LIMK2: variants seen among roughly 807,000 people sequenced by gnomAD.
The protein encoded by LIMK2 is LIM domain kinase 2.
Under a neutral mutation model 75.7 loss-of-function variants are expected in LIMK2, and 35 were observed. The observed-to-expected ratio is 0.46, with a 90% CI of 0.35 to 0.61. The LOEUF is 0.61. Among genes scored for constraint, LIMK2 ranks in the 20% least tolerant of loss-of-function variants. The pLI, the probability that LIMK2 is intolerant of heterozygous loss-of-function variation, is 0.00. For missense variants in LIMK2, 623 were observed against 831.0 expected (o/e 0.75, Z 3.08); for synonymous variants, 301 against 319.2 (o/e 0.94, Z 0.61).
chr22:31,273,645 G>A (rs1388598175), intron 14 of LIMK2, 138 bp downstream of exon 14: 18 of 681,648 alleles, frequency 2.6e-5, no homozygotes, highest in Admixed American at 4.6e-5. Context: ...GGTTTATAAC[G>A]CATCTGCACA....
chr22:31,259,780 G>A, intron 4 of LIMK2, 109 bp from the exon 5 acceptor site: 1 of 872,698 alleles, frequency 1.1e-6, no homozygotes, highest in East Asian at 3.0e-5. Flanking sequence ...CAAAGAGGGT[G>A]GTAGTGAGAC....
Position 31,262,343 on chromosome 22 carries a change from T to G in LIMK2, c.657+104T>G, listed in dbSNP as rs2048849513. 2.0e-6 allele frequency: 2 copies of G among 988,446 alleles called. No individual in the cohort carries two copies. Among genetic ancestry groups the G allele is most frequent in the Admixed American group, 3.8e-5 (2 of 52,420 alleles). 61.2% of individuals were successfully genotyped at this position (988,446 alleles called of 1,614,324 possible). ...CTTTTCCTACCCCCAGCCCATCTCT[T>G]TGTCTTAGCATTGAGCCTGTGACCA... On this transcript the variant is annotated intron_variant, in intron 6 of 15. Transcript: ENST00000331728. This position sits in a 1 kb window ranked among gnomAD's most constrained non-coding sequence, Gnocchi z 5.0.
chr22:31,269,634 C>T (rs1052134657), intron 11 of LIMK2, among the ~76,000 whole-genome samples: 3 of 151,772 alleles, frequency 2.0e-5, no homozygotes, highest in African/African-American at 4.8e-5. Flanking sequence ...ATTAGCTGGG[C>T]GTGGTGGTGC....
chr22:31,236,485 T>C (rs991221758), intron 2 of LIMK2, among the ~76,000 whole-genome samples: 1 of 151,124 alleles, frequency 6.6e-6, no homozygotes, highest in African/African-American at 2.4e-5. Flanking sequence ...GGCTCATGCC[T>C]GTGGTCCCAG....
intron 15 of LIMK2, chr22:31,277,209 CA>C: frequency 2.5e-6 from 4 of 1,605,440 alleles, no homozygotes; most frequent in Non-Finnish European, 2.6e-6. Flanking sequence ...GTAGCAACAG[CA>C]ATACCGGGGG....
chr22:31,272,895 G>T (rs1451938665), intron 13 of LIMK2, 191 bp downstream of exon 13: 2 of 1,371,582 alleles, frequency 1.5e-6, no homozygotes, highest in Non-Finnish European at 1.9e-6. Context: ...GAACTGATCA[G>T]TGTCCCATCA....
At chr22:31,272,412 C>A in intron 12 of LIMK2, 118 bp from the exon 13 acceptor site, 1 of 939,464 alleles carries the variant, frequency 1.1e-6, no homozygotes, top group South Asian at 1.8e-5. Flanking sequence ...TGCTCTGATT[C>A]TCCCTTGCTA....
chr22:31,253,769 G>C (rs1314951249), intron 2 of LIMK2, among the ~76,000 whole-genome samples: 1 of 152,180 alleles, frequency 6.6e-6, no homozygotes, highest in Non-Finnish European at 1.5e-5. Flanking sequence ...TGTAAAACAG[G>C]GATAATCCTG....
intron 1 of LIMK2, among the ~76,000 whole-genome samples, chr22:31,214,559 G>T (rs989436184): frequency 6.6e-6 from 1 of 151,596 alleles, no homozygotes. Context: ...CTCCCAAAGT[G>T]CTGGGATTAC....
At chr22:31,255,581 TCTC>T (rs2048769987) in intron 2 of LIMK2, among the ~76,000 whole-genome samples, 1 of 152,148 alleles carries the variant, frequency 6.6e-6, no homozygotes, top group African/African-American at 2.4e-5. Flanking sequence ...CTGCCCCTCT[TCTC>T]TACCTCCCGC....
intron 2 of LIMK2, among the ~76,000 whole-genome samples, chr22:31,244,662 C>G (rs1464053126): frequency 6.6e-6 from 1 of 152,172 alleles, no homozygotes; most frequent in African/African-American, 2.4e-5. Context: ...TATTTAGAGA[C>G]CTAACCAAGG....
chr22:31,267,724 G>A, intron 9 of LIMK2, 52 bp from the exon 10 acceptor site: 1 of 1,553,814 alleles, frequency 6.4e-7, no homozygotes. Context: ...AAGAGGTAAG[G>A]AAGACAGTGA....
At chr22:31,253,372 G>C (rs183504746) in intron 2 of LIMK2, among the ~76,000 whole-genome samples, 1 of 152,334 alleles carries the variant, frequency 6.6e-6, no homozygotes, top group East Asian at 1.9e-4. Flanking sequence ...ATCTGAGGTG[G>C]GACATGTTCG....
intron 15 of LIMK2, chr22:31,277,005 G>A (rs2049034585): frequency 6.2e-7 from 1 of 1,613,978 alleles, no homozygotes; most frequent in Non-Finnish European, 8.5e-7. Flanking sequence ...TCCTGGACAT[G>A]GAGAGTGACG....
chr22:31,271,780 G>A (rs1308620841), intron 12 of LIMK2, among the ~76,000 whole-genome samples: 1 of 152,154 alleles, frequency 6.6e-6, no homozygotes, highest in Non-Finnish European at 1.5e-5. Flanking sequence ...TATTCAAAGA[G>A]CTTGTCTCCC....
At chr22:31,240,804 A>G (rs528552419) in intron 2 of LIMK2, among the ~76,000 whole-genome samples, 2 of 152,262 alleles carry the variant, frequency 1.3e-5, no homozygotes, top group South Asian at 4.1e-4. Context: ...TGGGGTTACA[A>G]ATGGGTAAGA....
In LIMK2 at chr22:31,262,890, C is replaced by A; in HGVS notation, c.854+99C>A. The A allele has an allele frequency of 9.0e-7, 1 of 1,112,450 alleles. No individual in the cohort carries two copies. 68.9% of individuals were successfully genotyped at this position (1,112,450 alleles called of 1,614,324 possible). On this transcript the variant is annotated intron_variant, in intron 7 of 15. Coordinates refer to ENST00000331728, the MANE Select transcript of LIMK2 (RefSeq NM_005569.4). The surrounding 1 kb of genome is among the most constrained non-coding windows in gnomAD (Gnocchi z 5.0). The stretch of plus-strand genomic sequence containing the variant: ...CCTGCAGAGTTAGGAAAGGAACCAG[C>A]TGGCCAGGGACAGACTATGAGGATT...
At chr22:31,242,059 G>C (rs2048627921) in intron 2 of LIMK2, among the ~76,000 whole-genome samples, 1 of 152,084 alleles carries the variant, frequency 6.6e-6, no homozygotes, top group Non-Finnish European at 1.5e-5. Context: ...CAAATTGCTG[G>C]GTATGTTGAG....
intron 2 of LIMK2, chr22:31,248,405 A>G (rs1163189381): frequency 7.2e-7 from 1 of 1,387,350 alleles, no homozygotes; most frequent in Non-Finnish European, 9.5e-7. Context: ...GCCCCTGCTC[A>G]AGAATGCCAG....
Sources: allele counts gnomAD v4.1 joint callset (sites outside exome capture counted in the v4.1 genomes callset), GRCh38; gene constraint gnomAD v4.1.1; non-coding constraint Gnocchi (gnomAD v3.1); transcripts MANE v1.5; gene names NCBI Gene and HGNC (gene_info 2026-07-23, HGNC 2026-07-21).